Variants in ZNF157 observed in about 807,000 individuals in gnomAD.
ZNF157 encodes the protein zinc finger protein 157.
Under a neutral mutation model 9.4 loss-of-function variants are expected in ZNF157, and 8 were observed. The observed-to-expected ratio is 0.85, with a 90% confidence interval of 0.50 to 1.53. The LOEUF (loss-of-function observed/expected upper bound fraction) is 1.53, where lower values mean the gene tolerates loss of function less well. Ranked by LOEUF, ZNF157 falls within the 40% of genes most tolerant of loss-of-function variation. The pLI, the probability that ZNF157 is intolerant of heterozygous loss-of-function variation, is 0.00. For missense variants in ZNF157, 316 were observed against 385.2 expected (o/e 0.82, Z 1.50); for synonymous variants, 120 against 130.8 (o/e 0.92, Z 0.56).
chrX:47,399,747 T>G (rs781199742), intron 1 of ZNF157, among the ~76,000 whole-genome samples: 1 of 111,374 alleles, frequency 9.0e-6, no homozygotes, highest in Non-Finnish European at 1.9e-5. Context: ...TGGTGTAACC[T>G]TGGCTCACTG....
chrX:47,372,112 G>A (rs752064945), intron 1 of ZNF157, among the ~76,000 whole-genome samples: 17 of 110,919 alleles, frequency 1.5e-4, no homozygotes, highest in South Asian at 1.5e-3. Flanking sequence ...TAATATCCTC[G>A]GAATCTCTAA....
At chrX:47,376,532 C>G (rs1233757613) in intron 1 of ZNF157, among the ~76,000 whole-genome samples, 2 of 111,001 alleles carry the variant, frequency 1.8e-5, no homozygotes, top group Non-Finnish European at 3.8e-5. Context: ...AGGAGAATGG[C>G]TTGAACCTGA....
In ZNF157 at chrX:47,410,435, CGT is replaced by C. The variant is rs746728981; in HGVS notation, c.199+38_199+39del. The C allele has an allele frequency of 3.3e-6, 4 of 1,201,045 alleles. No individual in the cohort carries two copies. In the East Asian group the frequency reaches 1.2e-4, roughly 36 times the overall value. ...TGATTGTCCGTGTAACTCCTGAGAG[CGT>C]GTGTTTCCTTTCTTGGTTGCTGTAA... On this transcript the variant is annotated intron_variant, in intron 2 of 3. Coordinates refer to ENST00000377073, the MANE Select transcript of ZNF157 (RefSeq NM_003446.4).
intron 1 of ZNF157, among the ~76,000 whole-genome samples, chrX:47,371,439 A>G (rs1161964144): frequency 9.1e-6 from 1 of 109,823 alleles, no homozygotes; most frequent in Non-Finnish European, 1.9e-5. Flanking sequence ...TAGGAGTTTG[A>G]GACCTGCCTG....
chrX:47,406,736 G>A (rs777652988), intron 1 of ZNF157, among the ~76,000 whole-genome samples: 1 of 112,388 alleles, frequency 8.9e-6, no homozygotes, highest in South Asian at 3.6e-4. Flanking sequence ...GAGCTTCTTT[G>A]TAGATTCCTT....
chrX:47,380,364 T>C (rs1055139950), intron 1 of ZNF157, among the ~76,000 whole-genome samples: 3 of 110,945 alleles, frequency 2.7e-5, no homozygotes, highest in Admixed American at 9.7e-5. Flanking sequence ...AATGTGCGGT[T>C]TGACTTTGAC....
At chrX:47,410,981 C>T (rs1005052130) in intron 3 of ZNF157, among the ~76,000 whole-genome samples, 5 of 107,823 alleles carry the variant, frequency 4.6e-5, no homozygotes, top group African/African-American at 1.4e-4. Context: ...GTGCTTTCTC[C>T]GGTTTTATCT....
chrX:47,408,027 C>G (rs1327989883), intron 1 of ZNF157, among the ~76,000 whole-genome samples: 1 of 111,406 alleles, frequency 9.0e-6, no homozygotes, highest in African/African-American at 3.3e-5. Context: ...GCAGGCTGTA[C>G]AAAAAGCATA....
At chrX:47,396,858 A>G (rs1470403749) in intron 1 of ZNF157, among the ~76,000 whole-genome samples, 1 of 112,155 alleles carries the variant, frequency 8.9e-6, no homozygotes, top group Non-Finnish European at 1.9e-5. Context: ...AAGAGGAGCA[A>G]AGTCACATCT....
At chrX:47,406,116 G>A (rs980470230) in intron 1 of ZNF157, among the ~76,000 whole-genome samples, 2 of 109,460 alleles carry the variant, frequency 1.8e-5, no homozygotes, top group Non-Finnish European at 3.8e-5. Context: ...AATAGATAGA[G>A]TTGGTATCTT....
rs2055974507 is a variant in ZNF157, at chrX:47,413,684, G to A, written c.*90G>A. ...CTGTGAAAATTTGGCACCTACATTT[G>A]TATCAAAGTATGTCCTGATCCCCTT... On this transcript the variant is annotated 3_prime_UTR_variant, in exon 4 of 4. Transcript: ENST00000377073. 3.6e-6 allele frequency: 4 copies of A among 1,122,731 alleles called. No individual in the cohort carries two copies. The highest frequency in any genetic ancestry group is 4.7e-6 in the Non-Finnish European group (4 of 849,803). 92.5% of individuals were successfully genotyped at this position (1,122,731 alleles called of 1,213,427 possible).
chrX:47,398,353 T>A, intron 1 of ZNF157, among the ~76,000 whole-genome samples: 1 of 111,762 alleles, frequency 8.9e-6, no homozygotes, highest in Non-Finnish European at 1.9e-5. Context: ...ATGAGCATGG[T>A]CCCATTGCCC....
At chrX:47,404,548 T>A (rs2147412898) in intron 1 of ZNF157, among the ~76,000 whole-genome samples, 1 of 110,373 alleles carries the variant, frequency 9.1e-6, no homozygotes, top group East Asian at 2.9e-4. Flanking sequence ...AATACAATAA[T>A]CAAAATGGAA....
At chrX:47,406,878 T>C (rs2055948871) in intron 1 of ZNF157, among the ~76,000 whole-genome samples, 1 of 112,542 alleles carries the variant, frequency 8.9e-6, no homozygotes, top group Non-Finnish European at 1.9e-5. Flanking sequence ...GAATAGGATT[T>C]TGATTTCGAA....
chrX:47,390,318 AG>A (rs1049851343), intron 1 of ZNF157: 1 of 111,813 alleles, frequency 8.9e-6, no homozygotes, highest in African/African-American at 3.2e-5. Flanking sequence ...CTTCTTAAGG[AG>A]CTTCCAAAGG....
chrX:47,410,464 A>G (rs1265368030), intron 2 of ZNF157, 62 bp downstream of exon 2: 115 of 1,169,850 alleles, frequency 9.8e-5, no homozygotes, highest in Non-Finnish European at 1.2e-6. Context: ...TTGCTGTAAC[A>G]TGTGCAGCCT....
At chrX:47,409,586 G>A (rs193035347) in intron 1 of ZNF157, among the ~76,000 whole-genome samples, 3,248 of 106,321 alleles carry the variant, frequency 0.031, 148 homozygotes, top group African/African-American at 0.11. Flanking sequence ...CAAGTGATCC[G>A]CCTGCCTCGG....
chrX:47,401,895 A>C (rs1569259905), intron 1 of ZNF157, among the ~76,000 whole-genome samples: 2 of 109,745 alleles, frequency 1.8e-5, no homozygotes. Context: ...GTGTGCCATC[A>C]CACCCACTAA....
At chrX:47,375,886 G>C (rs888201215) in intron 1 of ZNF157, among the ~76,000 whole-genome samples, 19 of 110,953 alleles carry the variant, frequency 1.7e-4, no homozygotes, top group African/African-American at 6.2e-4. Context: ...ATAGAGACAC[G>C]GTTTTACCAT....
Sources: gnomAD v4.1 joint callset for allele counts (sites outside exome capture counted in the v4.1 genomes callset) on GRCh38, gnomAD v4.1.1 for gene constraint, MANE v1.5 for transcripts, NCBI Gene and HGNC (gene_info 2026-07-23, HGNC 2026-07-21) for gene names.